The following ADGRV1 variants were observed in gnomAD, a reference collection of about 807,000 sequenced individuals.
The protein encoded by ADGRV1 is adhesion G protein-coupled receptor V1.
A neutral mutation model predicts 596.2 loss-of-function variants in ADGRV1; 359 were observed. The ratio of observed to expected loss-of-function variants is 0.60; its 90% confidence interval spans 0.55 to 0.66. The LOEUF (loss-of-function observed/expected upper bound fraction) is 0.66. ADGRV1 is among the 30% of genes least tolerant of loss of function. The pLI is 0.00. For missense variants in ADGRV1, 7,274 were observed against 7,575.6 expected, an observed-to-expected ratio of 0.96 and a Z score of 1.48; for synonymous variants, 2,681 against 2,679.2, an observed-to-expected ratio of 1.00 and a Z score of -0.02.
At chr5:90,719,929 T>C (rs1750693556) in intron 43 of ADGRV1, 119 bp from the exon 44 acceptor site, 2 of 754,712 alleles carry the variant, frequency 2.7e-6, no homozygotes, top group South Asian at 3.5e-5. Context: ...TAAATCAAAG[T>C]GAGATGATAT....
At chr5:90,986,573 A>G (rs1275339376) in intron 85 of ADGRV1, among the ~76,000 whole-genome samples, 1 of 152,158 alleles carries the variant, frequency 6.6e-6, no homozygotes, top group Admixed American at 6.5e-5. Flanking sequence ...AAACGTACAC[A>G]AACATGCAAA....
chr5:91,080,555 T>C (rs941420061), intron 86 of ADGRV1, among the ~76,000 whole-genome samples: 3 of 131,744 alleles, frequency 2.3e-5, no homozygotes, highest in Non-Finnish European at 4.6e-5. Context: ...ATAAAAGTAG[T>C]ATTAGACTTT....
chr5:90,637,887 A>G lies in ADGRV1; in HGVS notation c.2179A>G (p.Ile727Val). Reference sequence around the variant, plus strand: ...TGGGCAAAGTGACACAACAATCAACATTACTATCAAAGGTGATGACATACC... The same window carrying G: ...TGGGCAAAGTGACACAACAATCAACGTTACTATCAAAGGTGATGACATACC... ...LSGQSDTTIN[I>V]TIKGDDIPEM... The change falls in exon 11 of 90, where the codon ATT (isoleucine) becomes GTT (valine). Residue 727 changes from isoleucine to valine, a missense_variant. By Grantham distance (29) the Ile-to-Val change is conservative. This residue lies in a region of ADGRV1 where 1,715 missense variants were observed against 1,708.8 expected (regional missense o/e 1.00). Coordinates refer to ENST00000405460, the MANE Select transcript of ADGRV1 (RefSeq NM_032119.4). 1.9e-6 allele frequency: 3 copies of G among 1,613,728 alleles called. No homozygotes were observed. The highest frequency in any genetic ancestry group is 2.5e-6 in the Non-Finnish European group (3 of 1,179,754).
intron 83 of ADGRV1, among the ~76,000 whole-genome samples, chr5:90,895,966 G>A (rs1186210448): frequency 3.3e-5 from 5 of 151,260 alleles, no homozygotes; most frequent in Non-Finnish European, 7.4e-5. Context: ...AATAAGATGT[G>A]CTCTATTCTG....
chr5:90,991,638 T>C (rs1780977017), intron 85 of ADGRV1, among the ~76,000 whole-genome samples: 1 of 152,190 alleles, frequency 6.6e-6, no homozygotes, highest in South Asian at 2.1e-4. Context: ...TTAGATACAC[T>C]AAACAAATCT....
chr5:90,835,779 G>A (rs999232779), intron 77 of ADGRV1, among the ~76,000 whole-genome samples: 3 of 152,010 alleles, frequency 2.0e-5, no homozygotes, highest in Non-Finnish European at 4.4e-5. Context: ...CAAGTGAAGA[G>A]GAAATTAAGA....
In ADGRV1 at chr5:91,164,265, CA is replaced by C. The variant is rs899465426; in HGVS notation, c.*372del. On this transcript the variant is annotated 3_prime_UTR_variant, in exon 90 of 90. Coordinates refer to ENST00000405460, the MANE Select transcript of ADGRV1 (RefSeq NM_032119.4). The stretch of plus-strand genomic sequence containing the variant: ...TTGATAAAGAAACATTGTGCATGGG[CA>C]AAAAAAGCTAACTCTATATGTAGAT... 4.0e-5 allele frequency: 13 copies of C among 324,500 alleles called. No individual in the cohort carries two copies. The highest frequency in any genetic ancestry group is 1.2e-4 in the Admixed American group (3 of 24,894). 20.1% of individuals were successfully genotyped at this position (324,500 alleles called of 1,614,324 possible).
chr5:91,113,063 C>T (rs1165994701), intron 87 of ADGRV1, among the ~76,000 whole-genome samples: 2 of 152,116 alleles, frequency 1.3e-5, no homozygotes, highest in African/African-American at 2.4e-5. Flanking sequence ...CATGAATGTT[C>T]GCATTCACCC....
At chr5:90,991,974 T>C (rs1306859086) in intron 85 of ADGRV1, among the ~76,000 whole-genome samples, 4 of 152,260 alleles carry the variant, frequency 2.6e-5, no homozygotes, top group Non-Finnish European at 2.9e-5. Context: ...GATCTCTTCA[T>C]GCATTTGCTC....
intron 87 of ADGRV1, among the ~76,000 whole-genome samples, chr5:91,106,231 A>C (rs1283046293): frequency 6.6e-6 from 1 of 152,098 alleles, no homozygotes; most frequent in Non-Finnish European, 1.5e-5. Context: ...TCCTTTCCCC[A>C]ATTAATGTTC....
chr5:90,724,556 C>T (rs1751511209), intron 45 of ADGRV1, among the ~76,000 whole-genome samples: 2 of 152,104 alleles, frequency 1.3e-5, no homozygotes, highest in Admixed American at 1.3e-4. Flanking sequence ...CTAAATACAC[C>T]TTGGAAAAGT....
At chr5:90,936,203 G>C (rs1043738613) in intron 83 of ADGRV1, among the ~76,000 whole-genome samples, 1 of 151,766 alleles carries the variant, frequency 6.6e-6, no homozygotes, top group Non-Finnish European at 1.5e-5. Flanking sequence ...AAGACATTTT[G>C]GATTATGGAT....
At position 91,156,739 on chromosome 5, in the gene ADGRV1, T is replaced by A. The variant is rs143367253; in HGVS notation, c.18802+3341T>A. On this transcript the variant is annotated intron_variant, in intron 89 of 89. Transcript: ENST00000405460. Reference sequence around the variant, plus strand: ...ACAATCTCTAATACTTGGTTCCCTATATTTTTAGAAAAAGTAATGTAGTAA... The same window carrying A: ...ACAATCTCTAATACTTGGTTCCCTAAATTTTTAGAAAAAGTAATGTAGTAA... Among the ~76,000 whole-genome samples the A allele has an allele frequency of 5.3e-3, 809 of 152,288 alleles. 4 individuals carry two copies. Among genetic ancestry groups the A allele is most frequent in the East Asian group, 0.025 (131 of 5,186 alleles).
intron 17 of ADGRV1, among the ~76,000 whole-genome samples, chr5:90,648,527 A>G (rs937926348): frequency 2.0e-5 from 3 of 152,208 alleles, no homozygotes; most frequent in East Asian, 1.9e-4. Flanking sequence ...TCGGGTCACC[A>G]TGATGCCCTG....
chr5:90,629,135 A>G, intron 8 of ADGRV1, 75 bp from the exon 9 acceptor site: 1 of 764,874 alleles, frequency 1.3e-6, no homozygotes, highest in Admixed American at 3.7e-5. Flanking sequence ...AAATTAGAAT[A>G]ACATGGAAAA....
At chr5:90,828,920 T>C in intron 76 of ADGRV1, 24 bp from the exon 77 acceptor site, 1 of 1,506,962 alleles carries the variant, frequency 6.6e-7, no homozygotes, top group Non-Finnish European at 8.9e-7. Flanking sequence ...ATAGTTGTTT[T>C]TTTTTCCTTT....
chr5:90,600,738 C>G (rs1173924165), intron 1 of ADGRV1, among the ~76,000 whole-genome samples: 1 of 152,056 alleles, frequency 6.6e-6, no homozygotes, highest in Non-Finnish European at 1.5e-5. Flanking sequence ...ACATATTTAG[C>G]CAGAATAATA....
chr5:91,003,738 T>C (rs1489299786), intron 85 of ADGRV1, among the ~76,000 whole-genome samples: 1 of 151,796 alleles, frequency 6.6e-6, no homozygotes, highest in African/African-American at 2.4e-5. Context: ...AATAAAAGTT[T>C]CAAAAGTTAA....
intron 84 of ADGRV1, among the ~76,000 whole-genome samples, chr5:90,970,105 G>A (rs1180150745): frequency 6.6e-6 from 1 of 152,232 alleles, no homozygotes; most frequent in Admixed American, 6.5e-5. Context: ...AGGGTCCCAC[G>A]CCCACGGAGC....
Sources: gnomAD v4.1 joint callset for allele counts (sites outside exome capture counted in the v4.1 genomes callset) on GRCh38, gnomAD v4.1.1 for gene constraint, gnomAD v4.1.1 regional missense constraint, MANE v1.5 for transcripts, NCBI Gene and HGNC (gene_info 2026-07-23, HGNC 2026-07-21) for gene names.